Variants in HDAC4 observed in about 807,000 individuals in gnomAD.
HDAC4 encodes histone deacetylase A.
Under a neutral mutation model 135.1 loss-of-function variants are expected in HDAC4, and 16 were observed. The ratio of observed to expected loss-of-function variants is 0.12; its 90% CI spans 0.08 to 0.18. The LOEUF is 0.18. Among genes scored for constraint, HDAC4 ranks in the 10% least tolerant of loss-of-function variants. The pLI is 1.00. For synonymous variants in HDAC4, 685 were observed against 653.4 expected, an observed-to-expected ratio of 1.05 and a Z score of -0.74; for missense variants, 1,143 against 1,511.8, an observed-to-expected ratio of 0.76 and a Z score of 4.05.
At chr2:239,372,945 C>A (rs975545326) in intron 1 of HDAC4, among the ~76,000 whole-genome samples, 2 of 152,256 alleles carry the variant, frequency 1.3e-5, no homozygotes, top group East Asian at 3.9e-4. Context: ...TACCATGTCT[C>A]GGGGGAGTCC....
chr2:239,160,942 C>G (rs918089083), intron 6 of HDAC4, among the ~76,000 whole-genome samples: 1 of 152,226 alleles, frequency 6.6e-6, no homozygotes, highest in Non-Finnish European at 1.5e-5. Context: ...CCAGGGACAC[C>G]GCATCTGCTC....
chr2:239,282,539 C>T lies in HDAC4; in HGVS notation c.23-45875G>A, dbSNP rs189258203. 1.8e-3 allele frequency among the ~76,000 whole-genome samples: 262 copies of T among 149,172 alleles called. 4 individuals are homozygous for T. Among genetic ancestry groups the T allele is most frequent in the Non-Finnish European group, 3.3e-3 (223 of 67,102 alleles). ...CACACCACTCTCAATGTACACACCA[C>T]TCTCAATGTACACACCACTCTACAC... On this transcript the variant is annotated intron_variant, in intron 2 of 26. Transcript: ENST00000543185.
chr2:239,255,295 CTGTGTGTGTGTGTG>C (rs60768204), intron 2 of HDAC4, among the ~76,000 whole-genome samples: 33 of 149,688 alleles, frequency 2.2e-4, no homozygotes, highest in African/African-American at 7.3e-4. Context: ...TGTTTTCTCA[CTGTGTGTGTGTGTG>C]TGTGTGTGTG....
intron 14 of HDAC4, among the ~76,000 whole-genome samples, chr2:239,108,508 C>T (rs763344002): frequency 1.3e-5 from 2 of 152,164 alleles, no homozygotes; most frequent in Non-Finnish European, 2.9e-5. Context: ...GAGGTCTGCC[C>T]TGGGTGGCTG....
chr2:239,244,299 AT>A (rs1315030644), intron 2 of HDAC4, among the ~76,000 whole-genome samples: 1 of 152,070 alleles, frequency 6.6e-6, no homozygotes, highest in Middle Eastern at 3.2e-3. Context: ...TGCTGGGAGG[AT>A]TGGCCATGAG....
chr2:239,102,523 A>G (rs2037759808), intron 16 of HDAC4: 4 of 500,438 alleles, frequency 8.0e-6, no homozygotes, highest in African/African-American at 7.8e-5. Context: ...CTCAAACCTA[A>G]ACTCTGATTC....
intron 2 of HDAC4, among the ~76,000 whole-genome samples, chr2:239,267,568 C>A (rs1457821060): frequency 1.3e-5 from 2 of 152,284 alleles, no homozygotes; most frequent in Non-Finnish European, 2.9e-5. Flanking sequence ...AAGAAACTAG[C>A]CACAAACCGG....
At chr2:239,062,543 G>A (rs747214297) in intron 24 of HDAC4, among the ~76,000 whole-genome samples, 3 of 152,344 alleles carry the variant, frequency 2.0e-5, no homozygotes, top group East Asian at 1.9e-4. Context: ...GCGCAAACAC[G>A]CATCAGGAAG....
intron 2 of HDAC4, among the ~76,000 whole-genome samples, chr2:239,345,316 A>C (rs1452488016): frequency 6.6e-6 from 1 of 152,112 alleles, no homozygotes; most frequent in Admixed American, 6.5e-5. Flanking sequence ...TGGGAGGCCG[A>C]GGGGGCAGGA....
chr2:239,394,245 A>C (rs894666985), intron 1 of HDAC4, among the ~76,000 whole-genome samples: 2 of 152,250 alleles, frequency 1.3e-5, no homozygotes, highest in Non-Finnish European at 2.9e-5. Context: ...AGTACTTCAT[A>C]AACAACAGTA....
intron 17 of HDAC4, among the ~76,000 whole-genome samples, chr2:239,090,730 AT>A (rs1291847926): frequency 5.9e-5 from 9 of 152,298 alleles, no homozygotes; most frequent in Admixed American, 3.3e-4. Context: ...TGGATTTCAG[AT>A]TTTTGGATTA....
intron 2 of HDAC4, among the ~76,000 whole-genome samples, chr2:239,319,462 G>C (rs1371793858): frequency 6.6e-6 from 1 of 152,272 alleles, no homozygotes; most frequent in Non-Finnish European, 1.5e-5. Context: ...CACCTCCCGG[G>C]ACCGAGCAAG....
In HDAC4 at chr2:239,377,734, G is replaced by A. The variant is rs530379431; in HGVS notation, c.-220+23244C>T. 2.0e-5 allele frequency among the ~76,000 whole-genome samples: 3 copies of A among 152,248 alleles called. No individual in the cohort carries two copies. In the East Asian group the frequency reaches 5.8e-4, roughly 30 times the overall value. On this transcript the variant is annotated intron_variant, in intron 1 of 26. Coordinates refer to ENST00000543185, the MANE Select transcript of HDAC4 (RefSeq NM_001378414.1). Reference sequence around the variant, plus strand: ...GTATTATGTGCAGAGACCCAACGTGGTGAAAAGACCCCCAGGACCCTAGAG... The same window carrying A: ...GTATTATGTGCAGAGACCCAACGTGATGAAAAGACCCCCAGGACCCTAGAG...
At chr2:239,268,843 AGGGCAC>A (rs1255197720) in intron 2 of HDAC4, among the ~76,000 whole-genome samples, 1 of 152,218 alleles carries the variant, frequency 6.6e-6, no homozygotes, top group African/African-American at 2.4e-5. Context: ...AGGGGACCTT[AGGGCAC>A]CAGGTGGATG....
intron 3 of HDAC4, among the ~76,000 whole-genome samples, chr2:239,234,920 T>C (rs923141072): frequency 1.3e-5 from 2 of 152,272 alleles, no homozygotes; most frequent in Admixed American, 1.3e-4. Flanking sequence ...GTGCCACGCC[T>C]GGTTAAGCAC....
At chr2:239,156,966 G>A (rs1575221847) in intron 6 of HDAC4, among the ~76,000 whole-genome samples, 193 bp from the exon 7 acceptor site, 1 of 152,184 alleles carries the variant, frequency 6.6e-6, no homozygotes, top group Admixed American at 6.5e-5. Flanking sequence ...GCAAACATCC[G>A]ATGCCCACAT....
At chr2:239,270,992 T>A (rs1430720476) in intron 2 of HDAC4, among the ~76,000 whole-genome samples, 1 of 152,216 alleles carries the variant, frequency 6.6e-6, no homozygotes, top group Non-Finnish European at 1.5e-5. Flanking sequence ...TGAAAATACT[T>A]ACAACTCAAA....
chr2:239,319,097 C>T (rs771447840), intron 2 of HDAC4, among the ~76,000 whole-genome samples: 4 of 152,156 alleles, frequency 2.6e-5, no homozygotes, highest in African/African-American at 4.8e-5. Flanking sequence ...GAACAAAAAA[C>T]GGAACTTCTG....
intron 22 of HDAC4, among the ~76,000 whole-genome samples, chr2:239,070,415 G>A (rs1457989484): frequency 6.6e-6 from 1 of 152,204 alleles, no homozygotes; most frequent in South Asian, 2.1e-4. Context: ...TAACACAAAA[G>A]AACTTATCAG....
Sources: allele counts gnomAD v4.1 joint callset (sites outside exome capture counted in the v4.1 genomes callset), GRCh38; gene constraint gnomAD v4.1.1; transcripts MANE v1.5; gene names NCBI Gene and HGNC (gene_info 2026-07-23, HGNC 2026-07-21).